NEDD4: variants seen among roughly 807,000 people sequenced by gnomAD.
NEDD4 encodes the protein NEDD4 E3 ubiquitin protein ligase.
A neutral mutation model predicts 144.9 loss-of-function variants in NEDD4; 99 were observed. That is an observed-to-expected ratio of 0.68 (90% CI 0.58 to 0.81). NEDD4 has a LOEUF of 0.81. Ranked by LOEUF, NEDD4 falls within the 30% of genes least tolerant of loss-of-function variation. The probability of loss-of-function intolerance (pLI) is 0.00; values close to 1 mark genes in which losing one functional copy is unlikely to be tolerated. For synonymous variants in NEDD4, 318 were observed against 350.6 expected, an observed-to-expected ratio of 0.91 and a Z score of 1.04; for missense variants, 985 against 1,065.9, an observed-to-expected ratio of 0.92 and a Z score of 1.06.
intron 5 of NEDD4, among the ~76,000 whole-genome samples, chr15:55,917,467 T>C (rs1229873917): frequency 6.6e-6 from 1 of 151,484 alleles, no homozygotes; most frequent in East Asian, 1.9e-4. Flanking sequence ...ACTGTTAATT[T>C]TTTTTTTTTA....
chr15:55,977,854 G>A (rs2037732664), intron 1 of NEDD4, among the ~76,000 whole-genome samples: 1 of 151,878 alleles, frequency 6.6e-6, no homozygotes, highest in Non-Finnish European at 1.5e-5. Context: ...CCAGTTTACT[G>A]GAAAGTAGCC....
chr15:55,924,451 GGGA>G (rs1360854516), intron 5 of NEDD4, 192 bp downstream of exon 5: 6 of 557,560 alleles, frequency 1.1e-5, no homozygotes, highest in Non-Finnish European at 1.9e-5. Context: ...AGAGGTGCTT[GGGA>G]GGAGAATGGA....
chr15:55,888,834 G>C (rs1342513755), intron 5 of NEDD4, among the ~76,000 whole-genome samples: 1 of 152,034 alleles, frequency 6.6e-6, no homozygotes, highest in Non-Finnish European at 1.5e-5. Flanking sequence ...AAGGTGCCGA[G>C]AACATACACT....
At chr15:55,967,036 G>A (rs535776997) in intron 1 of NEDD4, among the ~76,000 whole-genome samples, 3 of 152,062 alleles carry the variant, frequency 2.0e-5, no homozygotes, top group East Asian at 1.9e-4. Flanking sequence ...ACAGGCATGC[G>A]CCACCATGCC....
chr15:55,860,842 T>G (rs2034377033), intron 9 of NEDD4, 64 bp from the exon 10 acceptor site: 1 of 1,414,490 alleles, frequency 7.1e-7, no homozygotes, highest in Non-Finnish European at 9.8e-7. Context: ...TGTCAAAGAT[T>G]CTGTGATCAT....
chr15:55,974,616 T>C (rs1411202616), intron 1 of NEDD4, among the ~76,000 whole-genome samples: 1 of 151,904 alleles, frequency 6.6e-6, no homozygotes, highest in Non-Finnish European at 1.5e-5. Flanking sequence ...TGGTTCAACA[T>C]ACACAAATGA....
intron 5 of NEDD4, among the ~76,000 whole-genome samples, chr15:55,896,814 T>C (rs2035752057): frequency 6.6e-6 from 1 of 152,130 alleles, no homozygotes; most frequent in African/African-American, 2.4e-5. Context: ...AGGAAAACTT[T>C]TATTCTTTGT....
intron 5 of NEDD4, among the ~76,000 whole-genome samples, chr15:55,910,476 C>T (rs1364560176): frequency 6.6e-6 from 1 of 151,998 alleles, no homozygotes; most frequent in East Asian, 1.9e-4. Flanking sequence ...CTGTGTGGTT[C>T]CTCCTTAGTC....
chr15:55,926,096 C>CAGT (rs2036659941), intron 4 of NEDD4, among the ~76,000 whole-genome samples: 1 of 151,580 alleles, frequency 6.6e-6, no homozygotes, highest in African/African-American at 2.4e-5. Context: ...ACATACTGTA[C>CAGT]ATGTATATGA....
At chr15:55,894,887 A>T (rs867907258) in intron 5 of NEDD4, among the ~76,000 whole-genome samples, 8 of 152,338 alleles carry the variant, frequency 5.3e-5, no homozygotes, top group African/African-American at 1.7e-4. Context: ...TTCTAAAGTT[A>T]AAATGTAATA....
chr15:55,864,072 C>T (rs1226674306), intron 8 of NEDD4, among the ~76,000 whole-genome samples: 1 of 152,012 alleles, frequency 6.6e-6, no homozygotes, highest in African/African-American at 2.4e-5. Context: ...TAACATAAAG[C>T]CTTAGGGCAG....
chr15:55,870,529 C>CTTTTT (rs58174546), intron 7 of NEDD4, among the ~76,000 whole-genome samples: 8 of 117,420 alleles, frequency 6.8e-5, no homozygotes, highest in African/African-American at 2.0e-4. Context: ...TCTTCTTCTT[C>CTTTTT]TTTTTTTTTT....
chr15:55,856,270 G>A (rs2034191444), intron 11 of NEDD4, 74 bp from the exon 12 acceptor site: 21 of 1,305,618 alleles, frequency 1.6e-5, no homozygotes, highest in East Asian at 2.4e-5. Flanking sequence ...CTAAGGTAGT[G>A]AGGGTAAATA....
At position 55,977,485 on chromosome 15, in the gene NEDD4, A is replaced by C. The variant is rs1356718087; in HGVS notation, c.46-10939T>G. 2.0e-5 allele frequency among the ~76,000 whole-genome samples: 3 copies of C among 151,828 alleles called. No homozygotes were observed. The East Asian group carries it at 5.8e-4, about 30-fold the overall frequency. ...GAATGTATCCGTTGTTAAGCAATGC[A>C]TGACTGTAAATATTCTACTAATTCT... On this transcript the variant is annotated intron_variant, in intron 1 of 28. Coordinates refer to ENST00000435532, the MANE Select transcript of NEDD4 (RefSeq NM_006154.4).
At position 55,915,652 on chromosome 15, in the gene NEDD4, T is replaced by C. The variant is rs1245897993; in HGVS notation, c.291+8994A>G. 9 of 1,613,656 alleles carry C rather than the reference T, an allele frequency of 5.6e-6. No individual in the cohort carries two copies. In the African/African-American group the frequency reaches 1.2e-4, roughly 22 times the overall value. On this transcript the variant is annotated intron_variant, in intron 5 of 28. Coordinates refer to ENST00000435532, the MANE Select transcript of NEDD4 (RefSeq NM_006154.4). Reference sequence around the variant, plus strand: ...GACATTTCTGGTTTACAATCACCATTTGTTGTTTCACAGTCTAATGTAGCT... The same window carrying C: ...GACATTTCTGGTTTACAATCACCATCTGTTGTTTCACAGTCTAATGTAGCT...
chr15:55,862,692 G>A (rs923038121), intron 9 of NEDD4, among the ~76,000 whole-genome samples: 14 of 152,058 alleles, frequency 9.2e-5, no homozygotes, highest in Non-Finnish European at 1.9e-4. Context: ...GCAATTAAAA[G>A]GGTAGTATCT....
chr15:55,838,487 T>G, intron 22 of NEDD4, 22 bp downstream of exon 22: 2 of 1,530,584 alleles, frequency 1.3e-6, no homozygotes, highest in Non-Finnish European at 1.8e-6. Flanking sequence ...TGTGCCATTT[T>G]AACTGATCAA....
intron 1 of NEDD4, among the ~76,000 whole-genome samples, chr15:55,976,923 G>A (rs61192820): frequency 0.13 from 19,648 of 152,018 alleles, 1,389 homozygotes; most frequent in East Asian, 0.32. Flanking sequence ...GTGAGCCACC[G>A]TGCCTAGCCA....
At chr15:55,875,930 G>T in intron 5 of NEDD4, among the ~76,000 whole-genome samples, 1 of 152,040 alleles carries the variant, frequency 6.6e-6, no homozygotes, top group Admixed American at 6.5e-5. Flanking sequence ...ACTGAAGCAG[G>T]ATAAACATAA....
Sources: gnomAD v4.1 joint callset for allele counts (sites outside exome capture counted in the v4.1 genomes callset) on GRCh38, gnomAD v4.1.1 for gene constraint, MANE v1.5 for transcripts, NCBI Gene and HGNC (gene_info 2026-07-23, HGNC 2026-07-21) for gene names.